The following ADGRL3 variants were observed in gnomAD, a reference collection of about 807,000 sequenced individuals.
The protein encoded by ADGRL3 is calcium-independent alpha-latrotoxin receptor 3.
In ADGRL3, 62 loss-of-function variants were observed where a neutral mutation model predicts 153.5. The observed-to-expected ratio is 0.40, with a 90% CI of 0.33 to 0.50. ADGRL3 has a LOEUF of 0.50. Among genes scored for constraint, ADGRL3 ranks in the 20% least tolerant of loss-of-function variants. The pLI is 0.47. For missense variants in ADGRL3, 1,641 were observed against 1,859.4 expected, an observed-to-expected ratio of 0.88 and a Z score of 2.16; for synonymous variants, 710 against 672.5, an observed-to-expected ratio of 1.06 and a Z score of -0.86.
chr4:61,638,793 G>A (rs1222923786), intron 5 of ADGRL3, among the ~76,000 whole-genome samples: 1 of 152,132 alleles, frequency 6.6e-6, no homozygotes, highest in African/African-American at 2.4e-5. Context: ...TCCAGAATTG[G>A]TGACGTGATC....
At chr4:61,908,138 T>C (rs2098704703) in intron 11 of ADGRL3, among the ~76,000 whole-genome samples, 1 of 151,834 alleles carries the variant, frequency 6.6e-6, no homozygotes, top group South Asian at 2.1e-4. Flanking sequence ...TAGCCAGGCA[T>C]AGTGGGTGCA....
intron 5 of ADGRL3, among the ~76,000 whole-genome samples, chr4:61,648,941 T>C (rs2094145401): frequency 6.6e-6 from 1 of 152,070 alleles, no homozygotes; most frequent in South Asian, 2.1e-4. Context: ...TTTGAAGTTA[T>C]TCCTTTTCAG....
chr4:61,393,517 A>G (rs1290084430), intron 2 of ADGRL3, among the ~76,000 whole-genome samples: 1 of 152,032 alleles, frequency 6.6e-6, no homozygotes, highest in Non-Finnish European at 1.5e-5. Flanking sequence ...TGAGAATTAC[A>G]TTTTTCAATT....
At chr4:61,547,420 T>C (rs2098718950) in intron 4 of ADGRL3, among the ~76,000 whole-genome samples, 1 of 152,062 alleles carries the variant, frequency 6.6e-6, no homozygotes, top group Admixed American at 6.6e-5. Context: ...CACCCTTCTC[T>C]CACCCTTCAA....
At chr4:61,801,648 G>C (rs1479869470) in intron 8 of ADGRL3, among the ~76,000 whole-genome samples, 1 of 152,006 alleles carries the variant, frequency 6.6e-6, no homozygotes, top group Non-Finnish European at 1.5e-5. Flanking sequence ...AAGCCTCGTG[G>C]TATAAGGCAT....
chr4:61,261,875 C>A (rs1256967230), intron 1 of ADGRL3, among the ~76,000 whole-genome samples: 2 of 152,028 alleles, frequency 1.3e-5, no homozygotes, highest in African/African-American at 4.8e-5. Flanking sequence ...ATATTTGAGG[C>A]AGAAAGAAAC....
At chr4:61,656,927 T>C (rs2094457130) in intron 5 of ADGRL3, among the ~76,000 whole-genome samples, 1 of 152,206 alleles carries the variant, frequency 6.6e-6, no homozygotes, top group African/African-American at 2.4e-5. Context: ...ATTTCTAAGC[T>C]GGCATGCTCT....
chr4:61,989,589 G>C (rs1263618214), intron 19 of ADGRL3, among the ~76,000 whole-genome samples: 3 of 151,984 alleles, frequency 2.0e-5, no homozygotes, highest in Non-Finnish European at 2.9e-5. Flanking sequence ...TTATCATCCA[G>C]AAAGCCAATG....
In ADGRL3 at chr4:61,324,118, C is replaced by T. The variant is rs140611294; in HGVS notation, c.-239-59006C>T. ...ATCTCGTGAGACCCATTTACTATAA[C>T]AAGAACACTGCCCCCATGATTCGGT... On this transcript the variant is annotated intron_variant, in intron 1 of 26. Transcript: ENST00000683033. 8.1e-3 allele frequency among the ~76,000 whole-genome samples: 1,228 copies of T among 152,238 alleles called. 10 individuals carry two copies. Among genetic ancestry groups the T allele is most frequent in the Non-Finnish European group, 0.013 (877 of 68,012 alleles).
chr4:61,588,481 T>C (rs1050683157), intron 5 of ADGRL3, among the ~76,000 whole-genome samples: 1 of 151,974 alleles, frequency 6.6e-6, no homozygotes, highest in African/African-American at 2.4e-5. Context: ...ACATAAATTA[T>C]AAATACGAAT....
chr4:61,979,316 T>C (rs1370682881), intron 17 of ADGRL3, among the ~76,000 whole-genome samples: 1 of 152,198 alleles, frequency 6.6e-6, no homozygotes, highest in African/African-American at 2.4e-5. Context: ...TGAAAATGCT[T>C]GTAGCTAAGA....
At chr4:61,879,498 A>C (rs2098496798) in intron 9 of ADGRL3, among the ~76,000 whole-genome samples, 1 of 152,146 alleles carries the variant, frequency 6.6e-6, no homozygotes, top group African/African-American at 2.4e-5. Flanking sequence ...ATCTCTAATA[A>C]TTTTGTGGAC....
intron 17 of ADGRL3, among the ~76,000 whole-genome samples, chr4:61,963,129 AT>A (rs113915071): frequency 1.3e-3 from 198 of 149,138 alleles, no homozygotes; most frequent in Admixed American, 1.6e-3. Flanking sequence ...ATAAGGCTGT[AT>A]TTTTTTTTTA....
intron 5 of ADGRL3, among the ~76,000 whole-genome samples, chr4:61,658,442 A>T (rs1018236508): frequency 1.3e-5 from 2 of 152,230 alleles, no homozygotes; most frequent in African/African-American, 4.8e-5. Context: ...AAATAACATA[A>T]TTTCTCTAAG....
intron 1 of ADGRL3, among the ~76,000 whole-genome samples, chr4:61,371,990 A>G (rs1226381815): frequency 1.3e-5 from 2 of 151,812 alleles, no homozygotes; most frequent in African/African-American, 2.4e-5. Flanking sequence ...TTCATCTTCC[A>G]TCGCTGATAC....
intron 5 of ADGRL3, among the ~76,000 whole-genome samples, chr4:61,645,412 A>C (rs1406793011): frequency 6.6e-6 from 1 of 150,822 alleles, no homozygotes; most frequent in Non-Finnish European, 1.5e-5. Context: ...ATGATTTTGC[A>C]GCGGCTGGTA....
chr4:61,292,829 G>T (rs2094272636), intron 1 of ADGRL3, among the ~76,000 whole-genome samples: 1 of 152,044 alleles, frequency 6.6e-6, no homozygotes, highest in Admixed American at 6.6e-5. Context: ...CCTTCAGATT[G>T]CACCACTGGG....
chr4:61,954,481 T>C (rs1375996328), intron 17 of ADGRL3, among the ~76,000 whole-genome samples: 3 of 152,006 alleles, frequency 2.0e-5, no homozygotes, highest in Non-Finnish European at 4.4e-5. Flanking sequence ...CTCCTCAAAT[T>C]TATTCCCAAA....
At chr4:61,203,047 T>C (rs949761699) in intron 1 of ADGRL3, among the ~76,000 whole-genome samples, 1 of 152,128 alleles carries the variant, frequency 6.6e-6, no homozygotes, top group South Asian at 2.1e-4. Context: ...CTCGGCGACA[T>C]GCGTGCGGCG....
Sources: gnomAD v4.1 joint callset for allele counts (sites outside exome capture counted in the v4.1 genomes callset) on GRCh38, gnomAD v4.1.1 for gene constraint, MANE v1.5 for transcripts, NCBI Gene and HGNC (gene_info 2026-07-23, HGNC 2026-07-21) for gene names.